The following DST variants were observed in gnomAD, a reference collection of about 807,000 sequenced individuals.
The protein encoded by DST is bullous pemphigoid antigen.
In DST, 253 loss-of-function variants were observed where a neutral mutation model predicts 875.2. The ratio of observed to expected loss-of-function variants is 0.29; its 90% CI spans 0.26 to 0.32. The LOEUF is 0.32. DST is among the 10% of genes least tolerant of loss of function. The pLI, the probability that DST is intolerant of heterozygous loss-of-function variation, is 1.00. For missense variants in DST, 8,287 were observed against 9,111.6 expected (o/e 0.91, Z 3.68); for synonymous variants, 3,124 against 3,197.1 (o/e 0.98, Z 0.77).
intron 95 of DST, 59 bp downstream of exon 95, chr6:56,471,047 A>G: frequency 1.3e-6 from 2 of 1,521,362 alleles, no homozygotes; most frequent in South Asian, 1.2e-5. Flanking sequence ...CACACTTTTA[A>G]AATGTGCTTA....
intron 88 of DST, 65 bp from the exon 89 acceptor site, chr6:56,482,942 T>A: frequency 7.9e-7 from 1 of 1,263,776 alleles, no homozygotes; most frequent in Non-Finnish European, 1.1e-6. Context: ...CACATACTGT[T>A]TGAGATATAT....
intron 4 of DST, among the ~76,000 whole-genome samples, chr6:56,845,620 G>C (rs976277556): frequency 1.3e-5 from 2 of 152,198 alleles, no homozygotes; most frequent in Non-Finnish European, 2.9e-5. Flanking sequence ...ACACCTTCTT[G>C]AAATAAAAGG....
At position 56,489,551 on chromosome 6, in the gene DST, T is replaced by C. The variant is rs771646870; in HGVS notation, c.20816A>G (p.Asp6939Gly). 1 of 1,613,314 alleles carries C rather than the reference T, an allele frequency of 6.2e-7. No individual in the cohort carries two copies. Among genetic ancestry groups the C allele is most frequent in the Middle Eastern group, 1.7e-4 (1 of 6,058 alleles). Reference sequence around the variant, plus strand: ...ATCATTTGCGATTTCCAGTTCAGAATCCAAAGACTTTTCTGACTCTTCTAG... The same window carrying C: ...ATCATTTGCGATTTCCAGTTCAGAACCCAAAGACTTTTCTGACTCTTCTAG... ...EWLEESEKSL[D>G]SELEIANDPD... Residue 6939 changes from aspartate (D) to glycine (G), a missense_variant, in exon 86 of 104, where the codon GAT becomes GGT. Around this residue, in one of 10 missense-constraint regions of DST, gnomAD observed 1,292 missense variants for 1,552.7 expected, o/e 0.83. Coordinates refer to ENST00000680361, the MANE Select transcript of DST (RefSeq NM_001374736.1).
intron 5 of DST, among the ~76,000 whole-genome samples, chr6:56,715,366 A>G (rs1043133406): frequency 2.0e-5 from 3 of 152,222 alleles, no homozygotes; most frequent in African/African-American, 7.2e-5. Context: ...CTGCATGCCA[A>G]GCCTCCTAAG....
chr6:56,616,777 A>T (rs2098629300), intron 36 of DST: 1 of 1,614,076 alleles, frequency 6.2e-7, no homozygotes, highest in Admixed American at 1.7e-5. Context: ...TATTTTCCAT[A>T]GCTTGAAACA....
chr6:56,532,662 C>T (rs1279330719), intron 63 of DST, among the ~76,000 whole-genome samples, 152 bp from the exon 64 acceptor site: 1 of 152,138 alleles, frequency 6.6e-6, no homozygotes, highest in Admixed American at 6.5e-5. Flanking sequence ...TTAAAGGTAA[C>T]TCATTTGTTT....
chr6:56,497,388 A>G lies in DST; in HGVS notation c.20214T>C (p.Asn6738=), dbSNP rs1361999339. 3.1e-6 allele frequency: 5 copies of G among 1,613,014 alleles called. No individual in the cohort carries two copies. The highest frequency in any genetic ancestry group is 1.3e-5 in the African/African-American group (1 of 74,964). The change falls in exon 82 of 104, where the codon AAT becomes AAC. Residue 6738 remains asparagine (N), a synonymous_variant. Transcript: ENST00000680361. ...GAAATACTTTGCTTACCATATGGACATTAAGCTGCTCCTTGGCTGTTTCCG... is the reference window on the plus strand; with the variant it reads ...GAAATACTTTGCTTACCATATGGACGTTAAGCTGCTCCTTGGCTGTTTCCG... ...GLPETAKEQL[N]VHMEVCAAFE...
chr6:56,551,935 C>T (rs1454155221), intron 61 of DST, among the ~76,000 whole-genome samples: 2 of 152,112 alleles, frequency 1.3e-5, no homozygotes, highest in African/African-American at 4.8e-5. Flanking sequence ...TTCTGGCTTG[C>T]CTGGAACTTT....
chr6:56,507,127 T>C (rs1249182889), intron 75 of DST, among the ~76,000 whole-genome samples: 4 of 152,204 alleles, frequency 2.6e-5, no homozygotes, highest in Non-Finnish European at 4.4e-5. Flanking sequence ...ACATTTAACA[T>C]AGACAAGTAA....
At chr6:56,819,667 T>A (rs1379137531) in intron 4 of DST, among the ~76,000 whole-genome samples, 1 of 152,112 alleles carries the variant, frequency 6.6e-6, no homozygotes, top group Non-Finnish European at 1.5e-5. Context: ...CAGGAAATAT[T>A]TATGTACTTT....
chr6:56,498,131 C>T, intron 80 of DST, 78 bp from the exon 81 acceptor site: 1 of 1,398,536 alleles, frequency 7.2e-7, no homozygotes, highest in Non-Finnish European at 9.9e-7. Flanking sequence ...GTTTTCCTTT[C>T]TGGTTATGAA....
intron 3 of DST, among the ~76,000 whole-genome samples, chr6:56,873,309 GTTGA>G (rs1453872777): frequency 6.6e-6 from 1 of 152,072 alleles, no homozygotes; most frequent in African/African-American, 2.4e-5. Context: ...TCTTCTCTTT[GTTGA>G]TTGTTTCCTC....
intron 4 of DST, among the ~76,000 whole-genome samples, chr6:56,739,996 G>A (rs1399102634): frequency 6.6e-6 from 1 of 152,068 alleles, no homozygotes; most frequent in African/African-American, 2.4e-5. Flanking sequence ...TGAGTAGCTG[G>A]GATCACAGGC....
At chr6:56,592,525 T>C (rs1391209187) in intron 48 of DST, among the ~76,000 whole-genome samples, 167 bp from the exon 49 acceptor site, 3 of 152,114 alleles carry the variant, frequency 2.0e-5, no homozygotes, top group Non-Finnish European at 4.4e-5. Context: ...TATGAAGAGG[T>C]ACCCTATAAG....
Position 56,529,710 on chromosome 6 carries a change from G to A in DST, c.17333C>T (p.Ser5778Phe). The change falls in exon 66 of 104, where the codon TCC (serine) becomes TTC (phenylalanine). Residue 5778 changes from serine (S) to phenylalanine (F), a missense_variant. Physicochemically the swap from Ser to Phe is radical, Grantham distance 155. Transcript: ENST00000680361. ...CTCCCTGGAGCTCAAAACCTTTAAG[G>A]ACTGGCCAATGCTAACAGCCTGGTG... Reference protein sequence around the residue: ...HLHQAVSIGQSLKVLSSREDK... With the variant: ...HLHQAVSIGQFLKVLSSREDK... 1.9e-6 allele frequency: 3 copies of A among 1,612,946 alleles called. No homozygotes were observed. Among genetic ancestry groups the A allele is most frequent in the Non-Finnish European group, 2.5e-6 (3 of 1,179,556 alleles).
Position 56,520,692 on chromosome 6 carries a change from A to G in DST, c.18130-3072T>C, listed in dbSNP as rs191561305. Among the ~76,000 whole-genome samples, 11 of 152,138 alleles carry G rather than the reference A, an allele frequency of 7.2e-5. No homozygotes were observed. The East Asian group carries it at 1.9e-3, about 27-fold the overall frequency. On this transcript the variant is annotated intron_variant, in intron 69 of 103. Coordinates refer to ENST00000680361, the MANE Select transcript of DST (RefSeq NM_001374736.1). The stretch of plus-strand genomic sequence containing the variant: ...TACCTCATAAATATACACATCTACT[A>G]TGTGTCCATAAAAATTAAAAATTAA...
chr6:56,780,105 A>T (rs1033636384), intron 4 of DST, among the ~76,000 whole-genome samples: 33 of 151,856 alleles, frequency 2.2e-4, no homozygotes, highest in African/African-American at 7.7e-4. Flanking sequence ...TGTGCCACAT[A>T]TTCTGAATCC....
intron 4 of DST, among the ~76,000 whole-genome samples, chr6:56,785,216 T>G (rs1413757429): frequency 6.6e-6 from 1 of 152,276 alleles, no homozygotes; most frequent in East Asian, 1.9e-4. Flanking sequence ...TCCAGCTGAG[T>G]GCTGGGAGAA....
chr6:56,746,727 G>T (rs1302040884), intron 4 of DST, among the ~76,000 whole-genome samples: 1 of 152,118 alleles, frequency 6.6e-6, no homozygotes, highest in African/African-American at 2.4e-5. Flanking sequence ...TACAAAGAGG[G>T]TGTATTTGTT....
Sources: gnomAD v4.1 joint callset for allele counts (sites outside exome capture counted in the v4.1 genomes callset) on GRCh38, gnomAD v4.1.1 for gene constraint, gnomAD v4.1.1 regional missense constraint, MANE v1.5 for transcripts, NCBI Gene and HGNC (gene_info 2026-07-23, HGNC 2026-07-21) for gene names.